MXRA7: variants seen among roughly 807,000 people sequenced by gnomAD.
The protein encoded by MXRA7 is matrix-remodeling-associated protein 7.
MXRA7 carries 18 observed loss-of-function variants against 17.4 expected under a neutral mutation model. The observed-to-expected ratio is 1.03, with a 90% CI of 0.71 to 1.53. MXRA7 has a LOEUF of 1.53. Ranked by LOEUF, MXRA7 falls within the 40% of genes most tolerant of loss-of-function variation. The pLI is 0.00. For missense variants in MXRA7, 141 were observed against 209.3 expected (o/e 0.67, Z 2.01); for synonymous variants, 70 against 101.7 (o/e 0.69, Z 1.87).
intron 2 of MXRA7, among the ~76,000 whole-genome samples, chr17:76,686,492 CA>C (rs2076399634): frequency 1.3e-5 from 2 of 151,802 alleles, no homozygotes; most frequent in Admixed American, 6.6e-5. Flanking sequence ...CCCTACCCCC[CA>C]AAAAAAGAAA....
rs1354253508 is a variant in MXRA7, at chr17:76,685,071, C to A, written c.500+1G>T. 2.5e-6 allele frequency: 4 copies of A among 1,613,508 alleles called. No homozygotes were observed. Among genetic ancestry groups the A allele is most frequent in the Non-Finnish European group, 3.4e-6 (4 of 1,179,662 alleles). The stretch of plus-strand genomic sequence containing the variant: ...GCGCCAGCGAAGGGGCTGCAGCCTA[C>A]CTCTGCTCCTCCTCCAGCTCCTCTT... On this transcript the variant is annotated splice_donor_variant, in intron 3 of 3. Transcript: ENST00000449428. LOFTEE classifies it high-confidence loss of function.
chr17:76,677,684 C>A, downstream of MXRA7: 1 of 1,613,936 alleles, frequency 6.2e-7, no homozygotes, highest in South Asian at 1.1e-5. Context: ...AGATGGCAGC[C>A]AGCTGTTCCT....
chr17:76,676,420 G>C (rs2076241476), downstream of MXRA7: 1 of 152,230 alleles, frequency 6.6e-6, no homozygotes, highest in South Asian at 2.1e-4. Context: ...TAGTACTATT[G>C]TTTAGTGCCA....
intron 1 of MXRA7, among the ~76,000 whole-genome samples, chr17:76,696,159 T>C (rs777056617): frequency 1.3e-5 from 2 of 152,124 alleles, no homozygotes; most frequent in Admixed American, 6.6e-5. Flanking sequence ...ACAGAGATCA[T>C]ATACAGGACA....
intron 1 of MXRA7, among the ~76,000 whole-genome samples, chr17:76,691,959 G>A (rs1392769784): frequency 6.6e-6 from 1 of 152,104 alleles, no homozygotes; most frequent in Non-Finnish European, 1.5e-5. Context: ...GCACTCCAGG[G>A]CGAGGAGTCC....
chr17:76,702,866 T>TATTTATTTTAA, intron 1 of MXRA7, among the ~76,000 whole-genome samples: 1 of 148,368 alleles, frequency 6.7e-6, no homozygotes, highest in African/African-American at 2.5e-5. Context: ...TAAATATATA[T>TATTTATTTTAA]ATATACGTAT....
intron 1 of MXRA7, among the ~76,000 whole-genome samples, chr17:76,707,781 C>T (rs1365586039): frequency 6.6e-6 from 1 of 152,162 alleles, no homozygotes; most frequent in East Asian, 1.9e-4. Context: ...AGGTAAGAGG[C>T]CTGGCAATCC....
intron 1 of MXRA7, among the ~76,000 whole-genome samples, chr17:76,704,047 G>A (rs184522273): frequency 1.3e-5 from 2 of 151,082 alleles, no homozygotes; most frequent in Admixed American, 1.3e-4. Flanking sequence ...AGGTTGCGGT[G>A]AGCTAAGATT....
chr17:76,690,688 C>A (rs2076470841), intron 1 of MXRA7, among the ~76,000 whole-genome samples: 1 of 151,980 alleles, frequency 6.6e-6, no homozygotes. Context: ...GGTTTCGGCC[C>A]CCAGTTCTTG....
In MXRA7 at chr17:76,685,074, C is replaced by T. The variant is rs1431618851; in HGVS notation, c.498G>A (p.Gln166=). The T allele has an allele frequency of 6.2e-7, 1 of 1,613,678 alleles. No homozygotes were observed. Among genetic ancestry groups the T allele is most frequent in the Non-Finnish European group, 8.5e-7 (1 of 1,179,754 alleles). The change falls in exon 3 of 4, where the codon CAG becomes CAA. Residue 166 remains glutamine, a splice_region_variant and synonymous_variant. Transcript: ENST00000449428. ...MMTKEELEEE[Q]RTEE is the part of the protein sequence containing the mutation. ...CCAGCGAAGGGGCTGCAGCCTACCT[C>T]TGCTCCTCCTCCAGCTCCTCTTTGG...
chr17:76,677,060 AG>A (rs2076246156), downstream of MXRA7: 1 of 153,228 alleles, frequency 6.5e-6, no homozygotes, highest in Non-Finnish European at 1.5e-5. Flanking sequence ...TGGGAGGCCA[AG>A]GTGGGCGGAT....
At chr17:76,683,028 C>A (rs1218847551) in intron 3 of MXRA7, among the ~76,000 whole-genome samples, 1 of 152,184 alleles carries the variant, frequency 6.6e-6, no homozygotes. Context: ...GGTCCCAGCT[C>A]TGGACGTGGG....
At chr17:76,706,986 A>C (rs2076669426) in intron 1 of MXRA7, among the ~76,000 whole-genome samples, 1 of 152,152 alleles carries the variant, frequency 6.6e-6, no homozygotes, top group Admixed American at 6.6e-5. Context: ...ATGTCATCCC[A>C]AAATGTTTCA....
intron 1 of MXRA7, among the ~76,000 whole-genome samples, chr17:76,702,537 G>A (rs942700842): frequency 6.6e-6 from 1 of 150,670 alleles, no homozygotes; most frequent in Non-Finnish European, 1.5e-5. Flanking sequence ...AGAAGAAGAA[G>A]ACAAGTGGTC....
chr17:76,702,218 A>C (rs2076598593), intron 1 of MXRA7, among the ~76,000 whole-genome samples: 1 of 152,216 alleles, frequency 6.6e-6, no homozygotes, highest in South Asian at 2.1e-4. Context: ...TAGTAATAGA[A>C]GATAAGGGCT....
downstream of MXRA7, chr17:76,676,326 C>A (rs2076241040): frequency 6.6e-6 from 1 of 152,158 alleles, no homozygotes; most frequent in South Asian, 2.1e-4. Flanking sequence ...TACAATTAGG[C>A]AAGTACTCAA....
In MXRA7 at chr17:76,681,595, A is replaced by G. The variant is rs564241501; in HGVS notation, c.501-716T>C. On this transcript the variant is annotated intron_variant, in intron 3 of 3. Transcript: ENST00000449428. The surrounding 1 kb of genome is among the most constrained non-coding windows in gnomAD (Gnocchi z 4.7). The stretch of plus-strand genomic sequence containing the variant: ...TTACCACACTAGCACCTTCCTCTAG[A>G]GTCATGTCCATTTCCAGAGGAGTCA... Among the ~76,000 whole-genome samples, 1 of 152,244 alleles carries G rather than the reference A, an allele frequency of 6.6e-6. No individual in the cohort carries two copies. The highest frequency in any genetic ancestry group is 2.1e-4 in the South Asian group (1 of 4,816).
chr17:76,674,762 A>G (rs1389505777), downstream of MXRA7: 1 of 152,208 alleles, frequency 6.6e-6, no homozygotes, highest in Non-Finnish European at 1.5e-5. Flanking sequence ...GTCCTTGCCC[A>G]TGATTGGTTG....
chr17:76,690,927 G>A (rs1392474113), intron 1 of MXRA7, among the ~76,000 whole-genome samples: 4 of 152,116 alleles, frequency 2.6e-5, no homozygotes, highest in African/African-American at 9.7e-5. Flanking sequence ...GGTGCTAGCA[G>A]CATGTTTTGT....
Sources: gnomAD v4.1 joint callset for allele counts (sites outside exome capture counted in the v4.1 genomes callset) on GRCh38, gnomAD v4.1.1 for gene constraint, Gnocchi (gnomAD v3.1) non-coding constraint, MANE v1.5 for transcripts, NCBI Gene and HGNC (gene_info 2026-07-23, HGNC 2026-07-21) for gene names.